The following ATE1 variants were observed in gnomAD, a reference collection of about 807,000 sequenced individuals.
ATE1 encodes arginyl-tRNA--protein transferase 1.
ATE1 carries 36 observed loss-of-function variants against 70.5 expected under a neutral mutation model. The ratio of observed to expected loss-of-function variants is 0.51; its 90% confidence interval spans 0.39 to 0.67. The LOEUF (loss-of-function observed/expected upper bound fraction) is 0.67, where lower values mean the gene tolerates loss of function less well. Among genes scored for constraint, ATE1 ranks in the 30% least tolerant of loss-of-function variants. ATE1 has a pLI of 0.00. For synonymous variants in ATE1, 232 were observed against 219.3 expected, an observed-to-expected ratio of 1.06 and a Z score of -0.51; for missense variants, 593 against 629.5, an observed-to-expected ratio of 0.94 and a Z score of 0.62.
At chr10:121,790,042 A>ACACT in intron 11 of ATE1, 127 bp downstream of exon 11, 8 of 1,345,620 alleles carry the variant, frequency 5.9e-6, no homozygotes, top group Non-Finnish European at 8.1e-6. Context: ...ACACACACAC[A>ACACT]CACTCATGCA....
chr10:121,792,046 C>T (rs1205798559), intron 10 of ATE1, among the ~76,000 whole-genome samples: 1 of 152,192 alleles, frequency 6.6e-6, no homozygotes, highest in Non-Finnish European at 1.5e-5. Context: ...AGAGGCTATA[C>T]ATCCACAAAA....
chr10:121,880,223 C>A (rs1950184152), intron 7 of ATE1, among the ~76,000 whole-genome samples: 1 of 151,992 alleles, frequency 6.6e-6, no homozygotes, highest in South Asian at 2.1e-4. Context: ...TTTACCAGAC[C>A]AACTAATGTA....
chr10:121,741,410 C>G lies in ATE1; in HGVS notation c.*2270G>C, dbSNP rs748796124. 2.6e-5 allele frequency: 4 copies of G among 152,226 alleles called. No individual in the cohort carries two copies. The highest frequency in any genetic ancestry group is 5.9e-5 in the Non-Finnish European group (4 of 68,046). 9.4% of individuals were successfully genotyped at this position (152,226 alleles called of 1,614,324 possible). On this transcript the variant is annotated 3_prime_UTR_variant, in exon 12 of 12. Coordinates refer to ENST00000224652, the MANE Select transcript of ATE1 (RefSeq NM_001001976.3). ...AGTCACTCTGAGTCTTTGCTGGTGT[C>G]AACCTACAATGCCACCCTCAAGGAA...
At chr10:121,898,793 T>C (rs1224620745) in intron 7 of ATE1, 1 of 1,602,682 alleles carries the variant, frequency 6.2e-7, no homozygotes, top group East Asian at 2.2e-5. Context: ...TATATTATAC[T>C]TCTTCCCAGA....
intron 10 of ATE1, among the ~76,000 whole-genome samples, chr10:121,812,552 T>C (rs1947368515): frequency 6.6e-6 from 1 of 152,146 alleles, no homozygotes; most frequent in South Asian, 2.1e-4. Context: ...TTCACAGAAG[T>C]GCAGCTGGTT....
At chr10:121,812,201 C>T (rs1947352197) in intron 10 of ATE1, among the ~76,000 whole-genome samples, 1 of 152,036 alleles carries the variant, frequency 6.6e-6, no homozygotes, top group Admixed American at 6.5e-5. Context: ...GGCGATCCAC[C>T]TGCTTTGGCC....
chr10:121,861,169 G>A (rs184066578), intron 8 of ATE1, among the ~76,000 whole-genome samples: 22 of 152,160 alleles, frequency 1.4e-4, no homozygotes, highest in Non-Finnish European at 2.5e-4. Context: ...ACCACTACTC[G>A]CTAAAGGAAG....
At position 121,742,723 on chromosome 10, in the gene ATE1, C is replaced by T. The variant is rs906757354; in HGVS notation, c.*957G>A. 3 of 152,342 alleles carry T rather than the reference C, an allele frequency of 2.0e-5. No homozygotes were observed. Among genetic ancestry groups the T allele is most frequent in the African/African-American group, 7.2e-5 (3 of 41,570 alleles). 9.4% of individuals were successfully genotyped at this position (152,342 alleles called of 1,614,324 possible). A position where few individuals can be genotyped will look rare whatever the true frequency, so the allele number is the denominator to read the frequency against. On this transcript the variant is annotated 3_prime_UTR_variant, in exon 12 of 12. Coordinates refer to ENST00000224652, the MANE Select transcript of ATE1 (RefSeq NM_001001976.3). The stretch of plus-strand genomic sequence containing the variant: ...AAGGACAAGAAATGGATTGTTCTAG[C>T]TCTTGTCCTGGAACAGAGGTCGGAA...
intron 10 of ATE1, among the ~76,000 whole-genome samples, chr10:121,793,716 T>C (rs1449473200): frequency 6.6e-6 from 1 of 152,204 alleles, no homozygotes; most frequent in East Asian, 1.9e-4. Flanking sequence ...AAGAACTCTT[T>C]ATATATTAAG....
At chr10:121,818,338 T>C (rs1947646993) in intron 10 of ATE1, among the ~76,000 whole-genome samples, 2 of 150,382 alleles carry the variant, frequency 1.3e-5, no homozygotes, top group South Asian at 2.1e-4. Flanking sequence ...TATCACACCA[T>C]TAAGAGAAAA....
In ATE1 at chr10:121,913,819, T is replaced by C; in HGVS notation, c.308A>G (p.Lys103Arg). The change falls in exon 4 of 12, where the codon AAA (lysine) becomes AGA (arginine). Residue 103 changes from lysine (K) to arginine (R), a missense_variant. Coordinates refer to ENST00000224652, the MANE Select transcript of ATE1 (RefSeq NM_001001976.3). The stretch of plus-strand genomic sequence containing the variant: ...ACAACTTCCTTTGGGAACCTCCCCT[T>C]TAGCTAGAAATTTCAACATTTTTTT... Reference protein sequence around the residue: ...VLKKMLKFLAKGEVPKGSCED... With the variant: ...VLKKMLKFLARGEVPKGSCED... The C allele has an allele frequency of 6.2e-7, 1 of 1,613,392 alleles. No homozygotes were observed. The highest frequency in any genetic ancestry group is 8.5e-7 in the Non-Finnish European group (1 of 1,179,420).
chr10:121,805,551 G>A (rs187394933), intron 10 of ATE1, among the ~76,000 whole-genome samples: 1 of 152,198 alleles, frequency 6.6e-6, no homozygotes, highest in East Asian at 1.9e-4. Context: ...AGATTTGAAC[G>A]CAGCTCTCGT....
intron 7 of ATE1, among the ~76,000 whole-genome samples, chr10:121,895,453 C>CA (rs1312022458): frequency 6.6e-6 from 1 of 151,208 alleles, no homozygotes; most frequent in South Asian, 2.1e-4. Flanking sequence ...ACTAAAAATA[C>CA]AAAAAAACAA....
At chr10:121,828,718 G>C (rs1403002811) in intron 10 of ATE1, among the ~76,000 whole-genome samples, 1 of 152,118 alleles carries the variant, frequency 6.6e-6, no homozygotes, top group Non-Finnish European at 1.5e-5. Context: ...CCTGACGGTG[G>C]ACAGCTTTGA....
chr10:121,815,696 G>GT (rs767292981), intron 10 of ATE1, among the ~76,000 whole-genome samples: 7 of 152,156 alleles, frequency 4.6e-5, no homozygotes, highest in Non-Finnish European at 1.0e-4. Flanking sequence ...TGAACTCAAA[G>GT]TTAATCTTTC....
chr10:121,914,765 T>G (rs1213810008), intron 3 of ATE1, among the ~76,000 whole-genome samples: 1 of 152,132 alleles, frequency 6.6e-6, no homozygotes, highest in Non-Finnish European at 1.5e-5. Context: ...ACAGGATGGA[T>G]GCAAGCCACA....
chr10:121,794,660 G>GT (rs1554894202), intron 10 of ATE1, among the ~76,000 whole-genome samples: 3 of 49,702 alleles, frequency 6.0e-5, no homozygotes, highest in East Asian at 9.6e-4. Context: ...AGAATGTCTG[G>GT]TAAAAAAAAA....
intron 5 of ATE1, among the ~76,000 whole-genome samples, chr10:121,904,021 C>T (rs1256474203): frequency 2.0e-5 from 3 of 151,294 alleles, no homozygotes; most frequent in Non-Finnish European, 2.9e-5. Context: ...GCTCTGTCAC[C>T]CAGGCTGGAG....
At chr10:121,781,289 G>A (rs1945977287) in intron 11 of ATE1, among the ~76,000 whole-genome samples, 1 of 152,168 alleles carries the variant, frequency 6.6e-6, no homozygotes, top group Non-Finnish European at 1.5e-5. Context: ...AGGCAGGCAG[G>A]CAAGGTCTGT....
Sources: gnomAD v4.1 joint callset for allele counts (sites outside exome capture counted in the v4.1 genomes callset) on GRCh38, gnomAD v4.1.1 for gene constraint, MANE v1.5 for transcripts, NCBI Gene and HGNC (gene_info 2026-07-23, HGNC 2026-07-21) for gene names.